The following LMBRD1 variants were observed in gnomAD, a reference collection of about 807,000 sequenced individuals.
The protein encoded by LMBRD1 is LMBR1 domain containing 1.
Under a neutral mutation model 74.8 loss-of-function variants are expected in LMBRD1, and 64 were observed. That is an observed-to-expected ratio of 0.86 (90% CI 0.70 to 1.05). LMBRD1 has a LOEUF of 1.05. Ranked by LOEUF, LMBRD1 falls within the 50% of genes least tolerant of loss-of-function variation. The pLI, the probability that LMBRD1 is intolerant of heterozygous loss-of-function variation, is 0.00. For missense variants in LMBRD1, 652 were observed against 645.9 expected, an observed-to-expected ratio of 1.01 and a Z score of -0.10; for synonymous variants, 204 against 216.3, an observed-to-expected ratio of 0.94 and a Z score of 0.50.
chr6:69,709,829 A>G (rs1454739908), intron 9 of LMBRD1, among the ~76,000 whole-genome samples: 2 of 152,208 alleles, frequency 1.3e-5, no homozygotes, highest in Non-Finnish European at 2.9e-5. Flanking sequence ...AGGTAAATTT[A>G]TCAAGATATT....
At chr6:69,687,583 G>A (rs967238736) in intron 14 of LMBRD1, among the ~76,000 whole-genome samples, 1 of 152,034 alleles carries the variant, frequency 6.6e-6, no homozygotes, top group African/African-American at 2.4e-5. Flanking sequence ...ATTTATCTTA[G>A]AATTTCACGA....
chr6:69,753,905 C>T (rs988976393), intron 3 of LMBRD1, among the ~76,000 whole-genome samples: 1 of 151,146 alleles, frequency 6.6e-6, no homozygotes, highest in Non-Finnish European at 1.5e-5. Flanking sequence ...CGCGCCACTG[C>T]ACTCCAGCCT....
At chr6:69,701,306 AAT>A (rs1766124555) in intron 11 of LMBRD1, 135 bp downstream of exon 11, 1 of 598,750 alleles carries the variant, frequency 1.7e-6, no homozygotes, top group Non-Finnish European at 3.0e-6. Flanking sequence ...ACTAGAAAAT[AAT>A]ATAAGCATAT....
intron 3 of LMBRD1, among the ~76,000 whole-genome samples, chr6:69,761,618 C>T (rs906888340): frequency 3.9e-5 from 6 of 152,258 alleles, no homozygotes; most frequent in Admixed American, 6.5e-5. Flanking sequence ...TTAGCTGATT[C>T]GATACTTTTC....
intron 5 of LMBRD1, among the ~76,000 whole-genome samples, chr6:69,744,537 T>G (rs1383398609): frequency 6.6e-6 from 1 of 152,212 alleles, no homozygotes; most frequent in Non-Finnish European, 1.5e-5. Flanking sequence ...TTCACACACA[T>G]TATCTCTTCA....
intron 7 of LMBRD1, among the ~76,000 whole-genome samples, chr6:69,723,690 A>G (rs926010607): frequency 2.0e-5 from 3 of 152,080 alleles, no homozygotes; most frequent in Non-Finnish European, 4.4e-5. Flanking sequence ...AGGGAAAATT[A>G]CAGCTCTAAG....
intron 3 of LMBRD1, among the ~76,000 whole-genome samples, chr6:69,775,117 T>C (rs1765672328): frequency 6.6e-6 from 1 of 151,852 alleles, no homozygotes; most frequent in Non-Finnish European, 1.5e-5. Flanking sequence ...GGGGCGGGCA[T>C]AACCTTCCCA....
At chr6:69,788,048 G>A (rs967372543) in intron 2 of LMBRD1, among the ~76,000 whole-genome samples, 18 of 152,078 alleles carry the variant, frequency 1.2e-4, no homozygotes, top group Non-Finnish European at 2.1e-4. Flanking sequence ...CCTAGGAAGC[G>A]AGCACTAATT....
intron 12 of LMBRD1, among the ~76,000 whole-genome samples, chr6:69,700,442 G>A (rs1766101582): frequency 6.6e-6 from 1 of 151,690 alleles, no homozygotes. Flanking sequence ...TTTAGGCTAG[G>A]TAAGTCTGCC....
chr6:69,675,143 A>C lies in LMBRD1; in HGVS notation c.*1015T>G, dbSNP rs1233837177. 6.6e-6 allele frequency among the ~76,000 whole-genome samples: 1 copy of C among 152,184 alleles called. No homozygotes were observed. Among genetic ancestry groups the C allele is most frequent in the Non-Finnish European group, 1.5e-5 (1 of 68,034 alleles). ...AAAAATGGCACAAAAATTAAGGGAGAGAATAATTAACTTAGATATAGTTGT... is the reference window on the plus strand; with the variant it reads ...AAAAATGGCACAAAAATTAAGGGAGCGAATAATTAACTTAGATATAGTTGT... On this transcript the variant is annotated 3_prime_UTR_variant, in exon 16 of 16. Coordinates refer to ENST00000649934, the MANE Select transcript of LMBRD1 (RefSeq NM_018368.4).
At chr6:69,679,045 A>AACAAAAAAAAAAACAAAAAAAAACAAAC (rs34295282) in intron 14 of LMBRD1, among the ~76,000 whole-genome samples, 2 of 129,130 alleles carry the variant, frequency 1.5e-5, no homozygotes, top group Non-Finnish European at 3.6e-5. Flanking sequence ...GGTTAAAACA[A>AACAAAAAAAAAAACAAAAAAAAACAAAC]AAAAAAAAAA....
intron 14 of LMBRD1, 110 bp from the exon 15 acceptor site, chr6:69,676,651 C>T: frequency 1.2e-6 from 1 of 859,770 alleles, no homozygotes; most frequent in Non-Finnish European, 1.9e-6. Context: ...GATCATATGG[C>T]TAGTAAGTGT....
intron 9 of LMBRD1, among the ~76,000 whole-genome samples, chr6:69,708,976 T>C (rs1766321974): frequency 6.6e-6 from 1 of 152,186 alleles, no homozygotes; most frequent in South Asian, 2.1e-4. Context: ...GGCTCAAGCC[T>C]GTAATCCCAG....
In LMBRD1 at chr6:69,784,022, T is replaced by C. The variant is rs903882077; in HGVS notation, c.247-3468A>G. Among the ~76,000 whole-genome samples, 25 of 152,220 alleles carry C rather than the reference T, an allele frequency of 1.6e-4. 1 individual carries two copies. The highest frequency in any genetic ancestry group is 1.3e-4 in the Admixed American group (2 of 15,288). ...TAAAGCTACAAATATGTGTAAGATA[T>C]ACAACATCACTCAAGTACTGTTAGT... On this transcript the variant is annotated intron_variant, in intron 2 of 15. Transcript: ENST00000649934.
chr6:69,676,604 T>C, intron 14 of LMBRD1, 63 bp from the exon 15 acceptor site: 1 of 1,250,742 alleles, frequency 8.0e-7, no homozygotes, highest in South Asian at 1.2e-5. Flanking sequence ...TGATTAATAC[T>C]TTCTCTAAAA....
At chr6:69,787,771 A>C (rs1185293100) in intron 2 of LMBRD1, among the ~76,000 whole-genome samples, 2 of 152,210 alleles carry the variant, frequency 1.3e-5, no homozygotes, top group Admixed American at 6.5e-5. Flanking sequence ...ATAATGAAAC[A>C]AAGTTTTAAA....
chr6:69,743,226 T>C (rs775731130), intron 5 of LMBRD1, among the ~76,000 whole-genome samples: 1 of 152,138 alleles, frequency 6.6e-6, no homozygotes, highest in African/African-American at 2.4e-5. Context: ...GAATAACCAA[T>C]CTGTGAGAGT....
At chr6:69,737,742 G>C (rs1767006923) in intron 7 of LMBRD1, among the ~76,000 whole-genome samples, 200 bp downstream of exon 7, 1 of 151,514 alleles carries the variant, frequency 6.6e-6, no homozygotes, top group Non-Finnish European at 1.5e-5. Context: ...TAAAATTTCT[G>C]ATTATGAAAT....
chr6:69,755,840 C>T (rs1416857843), intron 3 of LMBRD1, among the ~76,000 whole-genome samples: 5 of 152,168 alleles, frequency 3.3e-5, no homozygotes, highest in Non-Finnish European at 7.4e-5. Flanking sequence ...GAGTATGCCA[C>T]TGTGTCTGTT....
Sources: gnomAD v4.1 joint callset for allele counts (sites outside exome capture counted in the v4.1 genomes callset) on GRCh38, gnomAD v4.1.1 for gene constraint, MANE v1.5 for transcripts, NCBI Gene and HGNC (gene_info 2026-07-23, HGNC 2026-07-21) for gene names.